Variants in MUS81 observed in about 807,000 individuals in gnomAD.
The protein encoded by MUS81 is structure-specific endonuclease subunit MUS81.
MUS81 carries 69 observed loss-of-function variants against 74.2 expected under a neutral mutation model. The observed-to-expected ratio is 0.93, with a 90% CI of 0.77 to 1.14. The LOEUF (loss-of-function observed/expected upper bound fraction) is 1.14, where lower values mean the gene tolerates loss of function less well. MUS81 is among the 50% of genes most tolerant of loss of function. MUS81 has a pLI of 0.00. For missense variants in MUS81, 711 were observed against 726.5 expected, an observed-to-expected ratio of 0.98 and a Z score of 0.25; for synonymous variants, 303 against 300.6, an observed-to-expected ratio of 1.01 and a Z score of -0.08.
rs1565267636 is a variant in MUS81, at chr11:65,863,645, C to CG, written c.886dup (p.Val296GlyfsTer23). On this transcript the variant is annotated frameshift_variant, in exon 9 of 16. Transcript: ENST00000308110. LOFTEE classifies it high-confidence loss of function. ...TGCTCCGAGAGCTACAGCGGCTGCA[C>CG]GTGACCCACACGGTGCGCAAGCTGC... 6.2e-7 allele frequency: 1 copy of CG among 1,613,914 alleles called. No individual in the cohort carries two copies. The highest frequency in any genetic ancestry group is 1.3e-5 in the African/African-American group (1 of 74,906).
At position 65,864,791 on chromosome 11, in the gene MUS81, G is replaced by T. The variant is rs558114; in HGVS notation, c.1248G>T (p.Thr416=). 1,011,978 of 1,612,924 alleles carry T rather than the reference G, an allele frequency of 0.63. 328,492 individuals carry two copies. Among genetic ancestry groups the T allele is most frequent in the Middle Eastern group, 0.7 (4,250 of 6,060 alleles). Residue 416 remains threonine (T), a synonymous_variant, in exon 12 of 16, where the codon ACG becomes ACT. Transcript: ENST00000308110. ...CAGCCGCCTACCTGGCCCTCTTGACGCGGGGCCTGCAGAGACTCTACCAGG... is the reference window on the plus strand; with the variant it reads ...CAGCCGCCTACCTGGCCCTCTTGACTCGGGGCCTGCAGAGACTCTACCAGG... ...KESAAYLALL[T]RGLQRLYQGH... is the part of the protein sequence containing the mutation.
In MUS81 at chr11:65,862,204, G is replaced by C; in HGVS notation, c.451-7G>C. The C allele has an allele frequency of 3.1e-6, 5 of 1,613,426 alleles. No homozygotes were observed. The highest frequency in any genetic ancestry group is 4.2e-6 in the Non-Finnish European group (5 of 1,179,960). Reference sequence around the variant, plus strand: ...AGCCTACCCTGTCTTTTCTACCTTGGTTTCAGAATCCTAATGGTCACCACT... The same window carrying C: ...AGCCTACCCTGTCTTTTCTACCTTGCTTTCAGAATCCTAATGGTCACCACT... On this transcript the variant is annotated splice_polypyrimidine_tract_variant and splice_region_variant and intron_variant, in intron 4 of 15. Coordinates refer to ENST00000308110, the MANE Select transcript of MUS81 (RefSeq NM_025128.5).
intron 9 of MUS81, 28 bp from the exon 10 acceptor site, chr11:65,863,776 C>T (rs771563248): frequency 7.4e-6 from 12 of 1,613,990 alleles, no homozygotes; most frequent in African/African-American, 1.3e-5. Flanking sequence ...GGTAGGGGAT[C>T]GCAAGCTAAC....
rs78668370 is a variant in MUS81, at chr11:65,862,965, G to A, written c.606-100G>A. ...GCCACTGGGGTCATTTGTGCAGGGC[G>A]CCAAGGGGGTGGTGAGGCCAGCCCA... On this transcript the variant is annotated intron_variant, in intron 6 of 15. Coordinates refer to ENST00000308110, the MANE Select transcript of MUS81 (RefSeq NM_025128.5). 6.1e-3 allele frequency: 9,254 copies of A among 1,509,638 alleles called. 40 individuals are homozygous for A. The highest frequency in any genetic ancestry group is 7.4e-3 in the Non-Finnish European group (8,115 of 1,094,436). The allele number at this position is 1,509,638 out of a possible 1,614,324, so 93.5% of individuals were successfully genotyped here. A position where few individuals can be genotyped will look rare whatever the true frequency, so the allele number is the denominator to read the frequency against.
chr11:65,862,549 A>G lies in MUS81; in HGVS notation c.605+20A>G, dbSNP rs1859648663. ...AGCCAGGTGGGGCCAACTGCAGGAG[A>G]TACAGGAGAGCATGAGTGAACTTCT... On this transcript the variant is annotated intron_variant, in intron 6 of 15. Transcript: ENST00000308110. 2.5e-6 allele frequency: 4 copies of G among 1,609,878 alleles called. No individual in the cohort carries two copies. The East Asian group carries it at 8.9e-5, about 36-fold the overall frequency.
chr11:65,867,276 T>C, downstream of MUS81: 1 of 637,614 alleles, frequency 1.6e-6, no homozygotes. Flanking sequence ...CTCAGAAATC[T>C]CCTGCTGGGG....
rs879404769 is a variant in MUS81 at position 65,860,472 on chromosome 11, G to A, written c.-282G>A. ...GGTCCAGGCTCCGGGGGCTGGGAAA[G>A]GGCGCGTCTCAAAGGCTGGCTGGAG... On this transcript the variant is annotated 5_prime_UTR_variant, in exon 1 of 16. Transcript: ENST00000308110. 5.3e-5 allele frequency: 29 copies of A among 551,030 alleles called. 1 individual carries two copies. Among genetic ancestry groups the A allele is most frequent in the Admixed American group, 3.0e-5 (1 of 33,674 alleles). 34.1% of individuals were successfully genotyped at this position (551,030 alleles called of 1,614,324 possible).
downstream of MUS81, chr11:65,867,356 C>G (rs980476297): frequency 1.9e-6 from 1 of 540,438 alleles, no homozygotes; most frequent in Admixed American, 3.1e-5. Flanking sequence ...ACATGTGGCT[C>G]TTGGGACTGG....
Position 65,865,873 on chromosome 11 carries a change from T to A in MUS81, c.1568T>A (p.Ile523Asn), listed in dbSNP as rs1202779373. The part of the protein sequence containing the change: ...PKEQETLLST[I>N]KCGRLQRNLG... ...GAACAAGAGACACTGCTGAGCACCATTAAGTGTGGGCGTCTACAGAGGTGA... is the reference window on the plus strand; with the variant it reads ...GAACAAGAGACACTGCTGAGCACCAATAAGTGTGGGCGTCTACAGAGGTGA... The change falls in exon 15 of 16, where the codon ATT (isoleucine) becomes AAT (asparagine). Residue 523 changes from isoleucine to asparagine, a missense_variant. Physicochemically the swap from Ile to Asn is moderately radical, Grantham distance 149. Transcript: ENST00000308110. 1.9e-6 allele frequency: 3 copies of A among 1,614,060 alleles called. No individual in the cohort carries two copies. The highest frequency in any genetic ancestry group is 4.5e-5 in the East Asian group (2 of 44,872).
At chr11:65,866,834 C>A, downstream of MUS81, 1 of 1,548,878 alleles carries the variant, frequency 6.5e-7, no homozygotes, top group African/African-American at 1.4e-5. Context: ...CTTTCTTTCT[C>A]CCTTTATTGC....
chr11:65,865,884 C>T lies in MUS81; in HGVS notation c.1579C>T (p.Arg527Cys), dbSNP rs1479386637. Reference sequence around the variant, plus strand: ...ACTGCTGAGCACCATTAAGTGTGGGCGTCTACAGAGGTGAGGGCAAGAGAC... The same window carrying T: ...ACTGCTGAGCACCATTAAGTGTGGGTGTCTACAGAGGTGAGGGCAAGAGAC... ...ETLLSTIKCG[R>C]LQRNLGPALS... is the part of the protein sequence containing the mutation. The change falls in exon 15 of 16, where the codon CGT (arginine) becomes TGT (cysteine). Residue 527 changes from arginine to cysteine, a missense_variant. Arg to Cys is a radical substitution (Grantham distance 180, BLOSUM62 -3). Transcript: ENST00000308110. 6.8e-6 allele frequency: 11 copies of T among 1,613,996 alleles called. No homozygotes were observed. Among genetic ancestry groups the T allele is most frequent in the African/African-American group, 4.0e-5 (3 of 74,900 alleles).
At position 65,863,070 on chromosome 11, in the gene MUS81, C is replaced by T. The variant is rs1859673599; in HGVS notation, c.611C>T (p.Ser204Leu). 2 of 1,613,970 alleles carry T rather than the reference C, an allele frequency of 1.2e-6. No homozygotes were observed. The highest frequency in any genetic ancestry group is 2.2e-5 in the East Asian group (1 of 44,894). Reference protein sequence around the residue: ...VLRTHQPARYSLTPEGLELAQ... With the variant: ...VLRTHQPARYLLTPEGLELAQ... The stretch of plus-strand genomic sequence containing the variant: ...TTGTCCCCTCTGCCTCCCAGGTACT[C>T]ATTGACCCCAGAGGGCCTGGAGCTG... The change falls in exon 7 of 16, where the codon TCA becomes TTA. Residue 204 changes from serine (S) to leucine (L), a missense_variant. Coordinates refer to ENST00000308110, the MANE Select transcript of MUS81 (RefSeq NM_025128.5).
chr11:65,860,848 C>T lies in MUS81; in HGVS notation c.95C>T (p.Ala32Val), dbSNP rs1209898241. 1.4e-5 allele frequency: 21 copies of T among 1,543,742 alleles called. No homozygotes were observed. The highest frequency in any genetic ancestry group is 2.0e-5 in the Admixed American group (1 of 50,994). ...VRWLTEWRDE[A>V]TRSRRRTRFV... ...TGGCTGACCGAGTGGCGGGACGAGG[C>T]GACCCGCAGCAGGCGCCGCACGCGC... Residue 32 changes from alanine to valine, a missense_variant, in exon 1 of 16, where the codon GCG becomes GTG. Transcript: ENST00000308110.
chr11:65,861,030 A>C lies in MUS81; in HGVS notation c.193A>C (p.Ile65Leu), dbSNP rs777773312. The change falls in exon 2 of 16, where the codon ATC becomes CTC. Residue 65 changes from isoleucine to leucine, a missense_variant. Ile to Leu is a conservative substitution (Grantham distance 5). Coordinates refer to ENST00000308110, the MANE Select transcript of MUS81 (RefSeq NM_025128.5). ...GCTGCGCAGCGGGAAGGAAGCTAAG[A>C]TCCTACAGCACTTCGGAGACGGGCT... is the stretch of plus-strand genomic sequence containing the variant. ...LPLRSGKEAK[I>L]LQHFGDGLCR... 2 of 1,612,580 alleles carry C rather than the reference A, an allele frequency of 1.2e-6. No homozygotes were observed. The highest frequency in any genetic ancestry group is 2.2e-5 in the East Asian group (1 of 44,860).
chr11:65,860,472 G>T lies in MUS81; in HGVS notation c.-282G>T. 1.8e-6 allele frequency: 1 copy of T among 551,030 alleles called. No homozygotes were observed. The highest frequency in any genetic ancestry group is 3.3e-6 in the Non-Finnish European group (1 of 303,140). The allele number at this position is 551,030 out of a possible 1,614,324, so 34.1% of individuals were successfully genotyped here. ...GGTCCAGGCTCCGGGGGCTGGGAAA[G>T]GGCGCGTCTCAAAGGCTGGCTGGAG... On this transcript the variant is annotated 5_prime_UTR_variant, in exon 1 of 16. The change creates a new upstream start codon in the 5' untranslated region. Coordinates refer to ENST00000308110, the MANE Select transcript of MUS81 (RefSeq NM_025128.5).
chr11:65,865,325 T>G lies in MUS81; in HGVS notation c.1505+2T>G, dbSNP rs1362018193. ...GGATCGATACAGCACCCCTGCCAGG[T>G]AGGCCCTAAAGGGCCCTTAGGTGTC... On this transcript the variant is annotated splice_donor_variant, in intron 14 of 15. Transcript: ENST00000308110. LOFTEE classifies it high-confidence loss of function. 7 of 1,613,158 alleles carry G rather than the reference T, an allele frequency of 4.3e-6. No individual in the cohort carries two copies. The highest frequency in any genetic ancestry group is 5.9e-6 in the Non-Finnish European group (7 of 1,179,570).
upstream of MUS81, chr11:65,860,194 A>G: frequency 2.2e-6 from 1 of 449,732 alleles, no homozygotes; most frequent in Non-Finnish European, 4.5e-6. Context: ...TGTCCCTCCC[A>G]CCAATACGTT....
Position 65,862,289 on chromosome 11 carries a change from G to A in MUS81, c.519+10G>A, listed in dbSNP as rs1162550884. ...TCAGAAGTCCCCCAGGGTGAGCACA[G>A]GGATCAGGGAGGACAGGCCCAAGTG... On this transcript the variant is annotated intron_variant, in intron 5 of 15. Transcript: ENST00000308110. 1.2e-6 allele frequency: 2 copies of A among 1,613,530 alleles called. No homozygotes were observed. The highest frequency in any genetic ancestry group is 1.7e-5 in the Admixed American group (1 of 60,010).
intron 10 of MUS81, 55 bp from the exon 11 acceptor site, chr11:65,864,442 C>A: frequency 6.7e-7 from 1 of 1,482,544 alleles, no homozygotes; most frequent in Non-Finnish European, 9.4e-7. Flanking sequence ...CATGGATGCC[C>A]AGGCATGTGG....
Sources: allele counts gnomAD v4.1 joint callset, GRCh38; gene constraint gnomAD v4.1.1; transcripts MANE v1.5; gene names NCBI Gene and HGNC (gene_info 2026-07-23, HGNC 2026-07-21).